Variants in TBXAS1 observed in about 807,000 individuals in gnomAD.
The protein encoded by TBXAS1 is thromboxane A synthase 1, also known as thromboxane-A synthase.
A neutral mutation model predicts 60.7 loss-of-function variants in TBXAS1; 48 were observed. That is an observed-to-expected ratio of 0.79 (90% CI 0.63 to 1.01). TBXAS1 has a LOEUF of 1.01. Among genes scored for constraint, TBXAS1 ranks in the 50% least tolerant of loss-of-function variants. The probability of loss-of-function intolerance (pLI) is 0.00; values close to 1 mark genes in which losing one functional copy is unlikely to be tolerated. For missense variants in TBXAS1, 685 were observed against 686.3 expected, an observed-to-expected ratio of 1.00 and a Z score of 0.02; for synonymous variants, 287 against 269.7, an observed-to-expected ratio of 1.06 and a Z score of -0.63.
chr7:139,812,884 C>T (rs901765329), intron 4 of TBXAS1, among the ~76,000 whole-genome samples: 5 of 151,842 alleles, frequency 3.3e-5, no homozygotes, highest in Admixed American at 6.6e-5. Flanking sequence ...TGGCAAAACC[C>T]GGTCTCTACT....
chr7:139,909,364 G>A lies in TBXAS1; in HGVS notation c.237-1861G>A, dbSNP rs74492363. ...TGCAGAATGCTGTTAAGTGTCCACA[G>A]CTTTCATTAGATTCTCAAAAGACTC... On this transcript the variant is annotated intron_variant, in intron 3 of 12. Transcript: ENST00000448866. 1.0e-3 allele frequency among the ~76,000 whole-genome samples: 157 copies of A among 152,276 alleles called. 3 individuals are homozygous for A. The East Asian group carries it at 0.026, about 25-fold the overall frequency.
intron 9 of TBXAS1, among the ~76,000 whole-genome samples, chr7:139,997,786 G>T (rs1366357004): frequency 6.6e-6 from 1 of 152,216 alleles, no homozygotes; most frequent in African/African-American, 2.4e-5. Context: ...ATTTTAGGCA[G>T]TGTGAACAAC....
chr7:139,997,894 T>C (rs1813404223), intron 9 of TBXAS1, among the ~76,000 whole-genome samples: 2 of 152,228 alleles, frequency 1.3e-5, no homozygotes, highest in Non-Finnish European at 2.9e-5. Flanking sequence ...AACAGAAACC[T>C]GTACTCTGTT....
intron 4 of TBXAS1, among the ~76,000 whole-genome samples, chr7:139,810,118 CCT>C (rs1569493226): frequency 6.6e-6 from 1 of 151,048 alleles, no homozygotes; most frequent in Non-Finnish European, 1.5e-5. Flanking sequence ...CTCACTGCAA[CCT>C]CTGTTTCACG....
At chr7:139,972,727 T>C (rs967232750) in intron 9 of TBXAS1, among the ~76,000 whole-genome samples, 1 of 152,080 alleles carries the variant, frequency 6.6e-6, no homozygotes, top group African/African-American at 2.4e-5. Context: ...TTTTGACACA[T>C]GATCCGTTAT....
At chr7:139,985,865 TCCATG>T (rs1812417403) in intron 9 of TBXAS1, among the ~76,000 whole-genome samples, 1 of 152,118 alleles carries the variant, frequency 6.6e-6, no homozygotes, top group African/African-American at 2.4e-5. Flanking sequence ...CTTGTCCAGC[TCCATG>T]CCCTCCCCCA....
At chr7:139,883,792 C>T (rs1033992049) in intron 3 of TBXAS1, among the ~76,000 whole-genome samples, 4 of 152,212 alleles carry the variant, frequency 2.6e-5, no homozygotes, top group Non-Finnish European at 4.4e-5. Flanking sequence ...TTATCTAATA[C>T]ACACACATAC....
chr7:139,898,616 A>C (rs527938691), intron 3 of TBXAS1, among the ~76,000 whole-genome samples: 1 of 151,988 alleles, frequency 6.6e-6, no homozygotes, highest in South Asian at 2.1e-4. Flanking sequence ...CGGCCTGTGC[A>C]TGCCTTTCTG....
chr7:139,828,510 T>C (rs1345126418), upstream of TBXAS1, among the ~76,000 whole-genome samples: 1 of 152,274 alleles, frequency 6.6e-6, no homozygotes, highest in East Asian at 1.9e-4. Flanking sequence ...CTGTGGGTCC[T>C]TTTGGGATTG....
At chr7:139,901,741 G>C (rs1356210526) in intron 3 of TBXAS1, among the ~76,000 whole-genome samples, 1 of 151,976 alleles carries the variant, frequency 6.6e-6, no homozygotes, top group East Asian at 1.9e-4. Flanking sequence ...AGTTGGTTTT[G>C]ACAAGCCCTC....
upstream of TBXAS1, among the ~76,000 whole-genome samples, chr7:139,824,849 A>C: frequency 2.1e-5 from 1 of 47,514 alleles, no homozygotes; most frequent in Non-Finnish European, 3.5e-5. Context: ...TTTTTTTTTG[A>C]GACAGAGTCT....
Position 139,802,389 on chromosome 7 carries a change from T to C in TBXAS1, c.-80+14963T>C, listed in dbSNP as rs968790962. On this transcript the variant is annotated intron_variant, in intron 4 of 16. Transcript: ENST00000336425. ...TAGCTCCCATAATCCCTACATGTTG[T>C]TGGAGGGACCCAGTGGGAGGTCATT... Among the ~76,000 whole-genome samples the C allele has an allele frequency of 4.6e-5, 7 of 152,330 alleles. No homozygotes were observed. In the East Asian group the frequency reaches 1.4e-3, roughly 29 times the overall value.
chr7:139,788,233 T>C (rs1797261030), intron 4 of TBXAS1, among the ~76,000 whole-genome samples: 1 of 152,256 alleles, frequency 6.6e-6, no homozygotes, highest in Admixed American at 6.5e-5. Context: ...CCCTGAATTC[T>C]ATCCATGAAG....
At chr7:139,882,005 G>A (rs1049667884) in intron 3 of TBXAS1, among the ~76,000 whole-genome samples, 1 of 152,196 alleles carries the variant, frequency 6.6e-6, no homozygotes, top group Non-Finnish European at 1.5e-5. Flanking sequence ...ACTTTTTAAA[G>A]CTCAGCTTCC....
chr7:139,972,303 GC>G (rs1811264013), intron 9 of TBXAS1, among the ~76,000 whole-genome samples: 1 of 152,208 alleles, frequency 6.6e-6, no homozygotes, highest in South Asian at 2.1e-4. Flanking sequence ...GAGGGACCAA[GC>G]TTTGCTAAGC....
intron 1 of TBXAS1, among the ~76,000 whole-genome samples, chr7:139,841,582 G>C (rs561008835): frequency 6.6e-6 from 1 of 151,676 alleles, no homozygotes; most frequent in African/African-American, 2.4e-5. Context: ...TGAGCCTGCT[G>C]TGAAAACTAG....
chr7:139,961,790 T>G, intron 8 of TBXAS1, 129 bp from the exon 9 acceptor site: 2 of 1,145,900 alleles, frequency 1.7e-6, no homozygotes, highest in Non-Finnish European at 2.5e-6. Context: ...AACCCAGCAA[T>G]GAGGAAGCTT....
chr7:139,918,356 C>T (rs1205430108), intron 4 of TBXAS1, among the ~76,000 whole-genome samples: 3 of 152,142 alleles, frequency 2.0e-5, no homozygotes, highest in Non-Finnish European at 4.4e-5. Context: ...CACGGAGTCC[C>T]ACCAGCGTCC....
At chr7:139,813,584 G>C (rs1798076881) in intron 4 of TBXAS1, among the ~76,000 whole-genome samples, 1 of 152,160 alleles carries the variant, frequency 6.6e-6, no homozygotes, top group Non-Finnish European at 1.5e-5. Context: ...ATAGGCTGTG[G>C]TCACCTGTTC....
Sources: allele counts gnomAD v4.1 joint callset (sites outside exome capture counted in the v4.1 genomes callset), GRCh38; gene constraint gnomAD v4.1.1; transcripts MANE v1.5; gene names NCBI Gene and HGNC (gene_info 2026-07-23, HGNC 2026-07-21).